Variants in FRMD1 observed in about 807,000 individuals in gnomAD.
FRMD1 encodes the protein FERM domain containing 1.
Under a neutral mutation model 54.9 loss-of-function variants are expected in FRMD1, and 51 were observed. The observed-to-expected ratio is 0.93, with a 90% CI of 0.74 to 1.17. The LOEUF (loss-of-function observed/expected upper bound fraction) is 1.17, where lower values mean the gene tolerates loss of function less well. Ranked by LOEUF, FRMD1 falls within the 50% of genes most tolerant of loss-of-function variation. The pLI is 0.00. For synonymous variants in FRMD1, 324 were observed against 306.4 expected (o/e 1.06, Z -0.60); for missense variants, 729 against 743.0 (o/e 0.98, Z 0.22).
chr6:168,071,608 G>T (rs959508596), intron 2 of FRMD1, among the ~76,000 whole-genome samples: 1 of 152,190 alleles, frequency 6.6e-6, no homozygotes, highest in Non-Finnish European at 1.5e-5. Context: ...CAGTGAGCTC[G>T]GCCACAGGCT....
chr6:168,083,088 C>T (rs1800863495), upstream of FRMD1, among the ~76,000 whole-genome samples: 1 of 152,212 alleles, frequency 6.6e-6, no homozygotes, highest in Non-Finnish European at 1.5e-5. Flanking sequence ...AAAAGGGCAG[C>T]TGGAGACAGC....
intron 1 of FRMD1, among the ~76,000 whole-genome samples, chr6:168,087,944 C>T (rs1008391284): frequency 2.6e-5 from 4 of 152,112 alleles, no homozygotes; most frequent in Non-Finnish European, 5.9e-5. Context: ...CTGGGAGGGG[C>T]GGCATGAGCC....
intron 2 of FRMD1, among the ~76,000 whole-genome samples, chr6:168,071,591 C>G (rs1800311035): frequency 6.6e-6 from 1 of 152,218 alleles, no homozygotes; most frequent in Admixed American, 6.5e-5. Flanking sequence ...TTTCTTGTCC[C>G]TGAGGCCAGT....
intron 2 of FRMD1, among the ~76,000 whole-genome samples, chr6:168,068,013 G>C (rs898296735): frequency 3.3e-5 from 5 of 152,092 alleles, no homozygotes; most frequent in Non-Finnish European, 7.3e-5. Flanking sequence ...TCAGGGGGCT[G>C]AGGCAGGAAG....
At chr6:168,066,657 A>G in intron 4 of FRMD1, 98 bp downstream of exon 4, 1 of 1,458,696 alleles carries the variant, frequency 6.9e-7, no homozygotes. Flanking sequence ...GTTTTTGGAT[A>G]AACTCAAATG....
At chr6:168,063,525 A>T (rs1799868276) in intron 6 of FRMD1, 76 bp downstream of exon 6, 1 of 1,444,858 alleles carries the variant, frequency 6.9e-7, no homozygotes, top group Non-Finnish European at 9.1e-7. Context: ...TCCTGATCCC[A>T]CTCAGCCATG....
chr6:168,081,224 T>C, upstream of FRMD1: 6 of 881,102 alleles, frequency 6.8e-6, no homozygotes, highest in Non-Finnish European at 9.5e-6. Flanking sequence ...GTGGTCGCCA[T>C]GAGTACCTCC....
upstream of FRMD1, among the ~76,000 whole-genome samples, chr6:168,079,840 C>G (rs550596646): frequency 6.6e-6 from 1 of 152,322 alleles, no homozygotes; most frequent in South Asian, 2.1e-4. Context: ...GGACATCTCC[C>G]GCAGGGCCTG....
intron 2 of FRMD1, among the ~76,000 whole-genome samples, chr6:168,070,996 T>A (rs1309333461): frequency 6.6e-6 from 1 of 152,212 alleles, no homozygotes; most frequent in East Asian, 1.9e-4. Flanking sequence ...GGACACACCA[T>A]GGAGTCCACA....
chr6:168,062,067 G>GC, intron 7 of FRMD1, 86 bp from the exon 8 acceptor site: 1 of 1,417,266 alleles, frequency 7.1e-7, no homozygotes, highest in Non-Finnish European at 9.6e-7. Flanking sequence ...GTCAGCCATG[G>GC]CCCCCAGGGG....
rs189887480 is a variant in FRMD1, at chr6:168,088,359, G to A, written c.-11-9335C>T. 6.7e-3 allele frequency among the ~76,000 whole-genome samples: 1,022 copies of A among 152,294 alleles called. 11 individuals are homozygous for A. Among genetic ancestry groups the A allele is most frequent in the African/African-American group, 0.024 (985 of 41,550 alleles). ...GATTTTATTCTTGGAAAGAAACTGC[G>A]GGCGGGGGAGTGGCCGGGAGGCAAG... On this transcript the variant is annotated intron_variant, in intron 1 of 12. Coordinates refer to the FRMD1 transcript ENST00000644440.
intron 2 of FRMD1, among the ~76,000 whole-genome samples, chr6:168,074,092 T>G (rs1329155677): frequency 6.6e-6 from 1 of 151,986 alleles, no homozygotes; most frequent in Non-Finnish European, 1.5e-5. Context: ...CAGTCCTTAG[T>G]GAGACTGGAT....
intron 3 of FRMD1, 129 bp downstream of exon 3, chr6:168,067,238 C>A (rs1454392246): frequency 1.3e-5 from 9 of 687,632 alleles, no homozygotes; most frequent in Non-Finnish European, 2.3e-5. Context: ...TGCTCTCTCC[C>A]AACCCACGCA....
intron 2 of FRMD1, among the ~76,000 whole-genome samples, chr6:168,071,259 T>C (rs879464037): frequency 2.6e-5 from 4 of 152,226 alleles, no homozygotes; most frequent in Non-Finnish European, 4.4e-5. Context: ...AAATCACATC[T>C]CTTGTTTTTT....
chr6:168,077,280 A>AT (rs781089403), intron 1 of FRMD1, among the ~76,000 whole-genome samples: 2 of 103,702 alleles, frequency 1.9e-5, no homozygotes, highest in Non-Finnish European at 4.7e-5. Context: ...ACACACTCCG[A>AT]TGGGGGGGGG....
intron 2 of FRMD1, among the ~76,000 whole-genome samples, chr6:168,073,270 C>T (rs1272892193): frequency 1.3e-5 from 2 of 152,054 alleles, no homozygotes. Flanking sequence ...AACACAGCAG[C>T]AAAGGGAGGC....
chr6:168,053,267 A>G lies in FRMD1; in HGVS notation c.*3830T>C, dbSNP rs2114928274. On this transcript the variant is annotated 3_prime_UTR_variant, in exon 11 of 11. Coordinates refer to ENST00000283309, the MANE Select transcript of FRMD1 (RefSeq NM_024919.6). ...TTGGCACCTGGAAGGCAGCCTCCCC[A>G]TCACAGCTCGCCGCCGTGAGAACGG... The G allele has an allele frequency of 6.6e-6, 1 of 152,282 alleles. No homozygotes were observed. The highest frequency in any genetic ancestry group is 2.1e-4 in the South Asian group (1 of 4,818). The allele number at this position is 152,282 out of a possible 1,614,324, so 9.4% of individuals were successfully genotyped here.
intron 1 of FRMD1, among the ~76,000 whole-genome samples, chr6:168,077,036 G>A (rs1800625597): frequency 6.6e-6 from 1 of 151,184 alleles, no homozygotes; most frequent in Non-Finnish European, 1.5e-5. Context: ...ACAGATGCAT[G>A]CACACCCCAA....
upstream of FRMD1, chr6:168,081,452 G>GGA: frequency 1.3e-6 from 2 of 1,531,346 alleles, no homozygotes. Flanking sequence ...GCGAGGAAGA[G>GGA]GAGACCACCG....
Sources: gnomAD v4.1 joint callset for allele counts (sites outside exome capture counted in the v4.1 genomes callset) on GRCh38, gnomAD v4.1.1 for gene constraint, MANE v1.5 for transcripts, NCBI Gene and HGNC (gene_info 2026-07-23, HGNC 2026-07-21) for gene names.